FHIT: variants seen among roughly 807,000 people sequenced by gnomAD.
FHIT encodes fragile histidine triad diadenosine triphosphatase.
Under a neutral mutation model 17.9 loss-of-function variants are expected in FHIT, and 19 were observed. The ratio of observed to expected loss-of-function variants is 1.06; its 90% confidence interval spans 0.74 to 1.56. The LOEUF (loss-of-function observed/expected upper bound fraction) is 1.56. Among genes scored for constraint, FHIT ranks in the 40% most tolerant of loss-of-function variants. The pLI, the probability that FHIT is intolerant of heterozygous loss-of-function variation, is 0.00. For missense variants in FHIT, 248 were observed against 189.2 expected (o/e 1.31, Z -1.82); for synonymous variants, 81 against 69.7 (o/e 1.16, Z -0.81).
intron 5 of FHIT, among the ~76,000 whole-genome samples, chr3:60,298,302 A>G (rs1708301429): frequency 6.6e-6 from 1 of 152,074 alleles, no homozygotes; most frequent in South Asian, 2.1e-4. Context: ...TCTGATGCTT[A>G]TACCACATAG....
intron 4 of FHIT, among the ~76,000 whole-genome samples, chr3:60,624,660 G>A (rs1477308185): frequency 6.6e-6 from 1 of 152,142 alleles, no homozygotes; most frequent in Non-Finnish European, 1.5e-5. Flanking sequence ...AAATTACTTA[G>A]CAATGTTAAT....
At chr3:60,621,942 C>G (rs1175734722) in intron 4 of FHIT, among the ~76,000 whole-genome samples, 2 of 151,900 alleles carry the variant, frequency 1.3e-5, no homozygotes, top group Non-Finnish European at 2.9e-5. Context: ...TTCATCCACA[C>G]AGCTAGTATG....
chr3:60,509,974 C>A (rs1240318420), intron 5 of FHIT, among the ~76,000 whole-genome samples: 1 of 152,148 alleles, frequency 6.6e-6, no homozygotes, highest in Non-Finnish European at 1.5e-5. Flanking sequence ...GTGATACAAA[C>A]CCTAGCAGCT....
At chr3:59,917,320 A>C (rs1388512463) in intron 8 of FHIT, among the ~76,000 whole-genome samples, 1 of 152,238 alleles carries the variant, frequency 6.6e-6, no homozygotes, top group Non-Finnish European at 1.5e-5. Flanking sequence ...TACAGTGCAC[A>C]GTCACAACCA....
intron 3 of FHIT, among the ~76,000 whole-genome samples, chr3:60,854,213 A>G (rs782143480): frequency 1.3e-5 from 2 of 152,080 alleles, no homozygotes; most frequent in Admixed American, 6.6e-5. Flanking sequence ...TTTCATGGCC[A>G]CATCAGACCA....
intron 4 of FHIT, among the ~76,000 whole-genome samples, chr3:60,774,401 T>C (rs1700148470): frequency 6.6e-6 from 1 of 152,160 alleles, no homozygotes; most frequent in South Asian, 2.1e-4. Flanking sequence ...CTCGCGTTCA[T>C]GCAATTGTCC....
chr3:60,018,559 TAGTC>T (rs1700431534), intron 5 of FHIT, among the ~76,000 whole-genome samples: 1 of 152,190 alleles, frequency 6.6e-6, no homozygotes, highest in Non-Finnish European at 1.5e-5. Flanking sequence ...CCTCAGCTGA[TAGTC>T]AGCAATAACT....
intron 2 of FHIT, among the ~76,000 whole-genome samples, chr3:61,196,851 G>T (rs568228820): frequency 6.6e-6 from 1 of 152,176 alleles, no homozygotes; most frequent in Non-Finnish European, 1.5e-5. Context: ...ATGCTGCAGG[G>T]AAGAAAGTAG....
At chr3:60,592,650 T>G (rs79986721) in intron 4 of FHIT, among the ~76,000 whole-genome samples, 2,684 of 152,240 alleles carry the variant, frequency 0.018, 82 homozygotes, top group African/African-American at 0.061. Flanking sequence ...GTTCCAGAAG[T>G]TGCGCCCATC....
intron 5 of FHIT, among the ~76,000 whole-genome samples, chr3:60,232,374 CA>C: frequency 6.6e-6 from 1 of 152,236 alleles, no homozygotes; most frequent in East Asian, 1.9e-4. Flanking sequence ...AGAACAGGAG[CA>C]ATTTCTTCCA....
At chr3:60,558,935 G>T (rs938263904) in intron 4 of FHIT, among the ~76,000 whole-genome samples, 1 of 152,136 alleles carries the variant, frequency 6.6e-6, no homozygotes, top group Non-Finnish European at 1.5e-5. Flanking sequence ...GTGATAATAC[G>T]TGTATCTTCC....
intron 2 of FHIT, among the ~76,000 whole-genome samples, chr3:61,054,957 T>C (rs753609152): frequency 3.9e-5 from 6 of 152,194 alleles, no homozygotes; most frequent in Admixed American, 1.3e-4. Context: ...CCACTCATCC[T>C]TGGGGTTTCA....
intron 8 of FHIT, among the ~76,000 whole-genome samples, chr3:59,768,625 A>C (rs146197066): frequency 6.6e-6 from 1 of 152,222 alleles, no homozygotes; most frequent in Non-Finnish European, 1.5e-5. Flanking sequence ...CCCAGACATC[A>C]ATGTCATATG....
intron 5 of FHIT, among the ~76,000 whole-genome samples, chr3:60,220,458 C>T (rs1703911683): frequency 2.0e-5 from 3 of 151,974 alleles, no homozygotes; most frequent in Admixed American, 2.0e-4. Context: ...AATAAATCAA[C>T]TGACATAATA....
chr3:59,919,404 T>C (rs1300694766), intron 8 of FHIT, among the ~76,000 whole-genome samples: 1 of 152,214 alleles, frequency 6.6e-6, no homozygotes, highest in East Asian at 1.9e-4. Context: ...CCACATAGAA[T>C]GTATTTAATA....
At chr3:60,006,267 A>G (rs1397195230) in intron 7 of FHIT, among the ~76,000 whole-genome samples, 1 of 152,222 alleles carries the variant, frequency 6.6e-6, no homozygotes, top group Non-Finnish European at 1.5e-5. Context: ...TAAGATATTT[A>G]AATAGCACAA....
rs147694354 is a variant in FHIT at position 60,623,376 on chromosome 3, C to T, written c.-17-86397G>A. Among the ~76,000 whole-genome samples the T allele has an allele frequency of 1.8e-3, 278 of 152,306 alleles. 2 individuals carry two copies. Among genetic ancestry groups the T allele is most frequent in the African/African-American group, 6.4e-3 (268 of 41,566 alleles). ...TATGTAAGCCAATAGTCCCACTTTA[C>T]AGATGAGATATTGGAGCTTTATAGA... On this transcript the variant is annotated intron_variant, in intron 4 of 9. Coordinates refer to ENST00000492590, the MANE Select transcript of FHIT (RefSeq NM_002012.4).
At chr3:59,797,345 C>T (rs897951237) in intron 8 of FHIT, among the ~76,000 whole-genome samples, 3 of 152,140 alleles carry the variant, frequency 2.0e-5, no homozygotes, top group South Asian at 2.1e-4. Context: ...CACCACCATG[C>T]CTGGCTAATT....
intron 5 of FHIT, among the ~76,000 whole-genome samples, chr3:60,264,937 C>T (rs213331): frequency 0.97 from 147,067 of 151,918 alleles, 71,210 homozygotes; most frequent in East Asian, 0.99. Flanking sequence ...TATCCTTATA[C>T]GTATTGTCTC....
Sources: allele counts gnomAD v4.1 joint callset (sites outside exome capture counted in the v4.1 genomes callset), GRCh38; gene constraint gnomAD v4.1.1; transcripts MANE v1.5; gene names NCBI Gene and HGNC (gene_info 2026-07-23, HGNC 2026-07-21).